The following CSMD1 variants were observed in gnomAD, a reference collection of about 807,000 sequenced individuals.
The protein encoded by CSMD1 is CUB and Sushi multiple domains 1.
In CSMD1, 213 loss-of-function variants were observed where a neutral mutation model predicts 417.5. That is an observed-to-expected ratio of 0.51 (90% CI 0.46 to 0.57). The LOEUF (loss-of-function observed/expected upper bound fraction) is 0.57, where lower values mean the gene tolerates loss of function less well. CSMD1 is among the 20% of genes least tolerant of loss of function. The pLI, the probability that CSMD1 is intolerant of heterozygous loss-of-function variation, is 0.00. For missense variants in CSMD1, 6,923 were observed against 4,529.7 expected (o/e 1.53, Z -15.17); for synonymous variants, 2,862 against 1,736.8 (o/e 1.65, Z -16.11).
rs750672843 is a variant in CSMD1, at chr8:3,369,366, T to C, written c.2787A>G (p.Leu929=). 27 of 1,498,160 alleles carry C rather than the reference T, an allele frequency of 1.8e-5. No individual in the cohort carries two copies. The highest frequency in any genetic ancestry group is 2.4e-5 in the Non-Finnish European group (26 of 1,076,890). 92.8% of individuals were successfully genotyped at this position (1,498,160 alleles called of 1,614,324 possible). Reference sequence around the variant, plus strand: ...TCTTCCCTTGGATGTAGCCTCCACATAGAGCTTAAAATAATAAAGAGAGAT... The same window carrying C: ...TCTTCCCTTGGATGTAGCCTCCACACAGAGCTTAAAATAATAAAGAGAGAT... ...WNHALPSCDA[L]CGGYIQGKSG... Residue 929 remains leucine (L), a synonymous_variant, in exon 19 of 70, where the codon CTA becomes CTG. Transcript: ENST00000635120.
intron 2 of CSMD1, among the ~76,000 whole-genome samples, chr8:4,542,295 G>T (rs1187908451): frequency 6.6e-6 from 1 of 151,886 alleles, no homozygotes; most frequent in Non-Finnish European, 1.5e-5. Context: ...CAAAACCCAT[G>T]AATATGTTAA....
In CSMD1 at chr8:3,551,979, G is replaced by A. The variant is rs1054444993; in HGVS notation, c.1344+22966C>T. ...ACTGTGGGAGCTGAGGACTGATAGG[G>A]ATCTCACAGTGGCAGAAACAGGAAC... On this transcript the variant is annotated intron_variant, in intron 10 of 69. Coordinates refer to ENST00000635120, the MANE Select transcript of CSMD1 (RefSeq NM_033225.6). Among the ~76,000 whole-genome samples the A allele has an allele frequency of 2.0e-5, 3 of 152,178 alleles. No individual in the cohort carries two copies. The East Asian group carries it at 5.8e-4, about 29-fold the overall frequency.
chr8:4,154,084 C>A (rs17069138), intron 3 of CSMD1, among the ~76,000 whole-genome samples: 1 of 152,136 alleles, frequency 6.6e-6, no homozygotes, highest in East Asian at 1.9e-4. Flanking sequence ...GGAAGAAACA[C>A]TGAAAATACA....
At chr8:3,743,455 T>A (rs1015637696) in intron 6 of CSMD1, among the ~76,000 whole-genome samples, 1 of 152,230 alleles carries the variant, frequency 6.6e-6, no homozygotes, top group African/African-American at 2.4e-5. Flanking sequence ...TGGAGACTTC[T>A]GAATAAGTAA....
At chr8:4,334,099 G>T (rs1386916472) in intron 3 of CSMD1, among the ~76,000 whole-genome samples, 1 of 151,948 alleles carries the variant, frequency 6.6e-6, no homozygotes, top group Non-Finnish European at 1.5e-5. Context: ...TACAGACAGG[G>T]TTTTACTGTG....
chr8:3,906,146 G>T (rs144494577), intron 5 of CSMD1, among the ~76,000 whole-genome samples: 1 of 152,108 alleles, frequency 6.6e-6, no homozygotes, highest in African/African-American at 2.4e-5. Context: ...CAGTGTACCA[G>T]GTAAGCATCA....
At chr8:4,319,675 G>A (rs1383149621) in intron 3 of CSMD1, among the ~76,000 whole-genome samples, 3 of 152,110 alleles carry the variant, frequency 2.0e-5, no homozygotes, top group Non-Finnish European at 4.4e-5. Flanking sequence ...AGGGAACAGA[G>A]AAGGGAAGCA....
At chr8:3,004,028 T>C (rs142563844) in intron 52 of CSMD1, among the ~76,000 whole-genome samples, 2 of 152,280 alleles carry the variant, frequency 1.3e-5, no homozygotes, top group East Asian at 1.9e-4. Flanking sequence ...AGATAGTTGC[T>C]ACAACTCCAC....
intron 40 of CSMD1, among the ~76,000 whole-genome samples, chr8:3,149,554 T>G (rs1696857868): frequency 6.6e-6 from 1 of 152,202 alleles, no homozygotes. Context: ...CGTGGCTCAC[T>G]GCAACCTCCA....
At chr8:4,717,872 T>C (rs1584991444) in intron 1 of CSMD1, among the ~76,000 whole-genome samples, 1 of 152,222 alleles carries the variant, frequency 6.6e-6, no homozygotes, top group South Asian at 2.1e-4. Context: ...AATAGCTTTT[T>C]ATTAAATTAT....
At chr8:3,605,619 A>T (rs995402212) in intron 8 of CSMD1, among the ~76,000 whole-genome samples, 1 of 152,128 alleles carries the variant, frequency 6.6e-6, no homozygotes. Context: ...CTTCCGTTTG[A>T]TGACACATAA....
intron 2 of CSMD1, among the ~76,000 whole-genome samples, chr8:4,615,357 A>G (rs1436786081): frequency 6.6e-6 from 1 of 152,180 alleles, no homozygotes; most frequent in African/African-American, 2.4e-5. Context: ...ATATACAGCA[A>G]TGGTGTTTCT....
intron 1 of CSMD1, among the ~76,000 whole-genome samples, chr8:4,662,054 G>A (rs1434067956): frequency 2.0e-5 from 3 of 152,062 alleles, no homozygotes; most frequent in Non-Finnish European, 2.9e-5. Context: ...ATGTAACTGT[G>A]TTGAGACATT....
At chr8:3,908,405 G>A (rs1018232319) in intron 5 of CSMD1, among the ~76,000 whole-genome samples, 12 of 152,140 alleles carry the variant, frequency 7.9e-5, no homozygotes, top group Admixed American at 6.5e-4. Flanking sequence ...ATTTGCATCA[G>A]CATTCTGTGG....
chr8:3,723,525 A>G (rs1802306191), intron 6 of CSMD1, among the ~76,000 whole-genome samples: 1 of 152,180 alleles, frequency 6.6e-6, no homozygotes, highest in Non-Finnish European at 1.5e-5. Flanking sequence ...ATTTAGTCAT[A>G]TTTACTTAAA....
intron 26 of CSMD1, among the ~76,000 whole-genome samples, chr8:3,256,309 G>GAAAAA (rs61572877): frequency 0.013 from 1,047 of 81,370 alleles, 17 homozygotes; most frequent in Non-Finnish European, 0.016. Flanking sequence ...TAAGTCTCAA[G>GAAAAA]AAAAAAAAAA....
chr8:4,252,281 G>C (rs895646598), intron 3 of CSMD1, among the ~76,000 whole-genome samples: 1 of 152,162 alleles, frequency 6.6e-6, no homozygotes, highest in East Asian at 1.9e-4. Flanking sequence ...CCTGTGAGTT[G>C]TCTTCTGTCA....
intron 11 of CSMD1, among the ~76,000 whole-genome samples, chr8:3,486,470 G>A (rs938533225): frequency 2.0e-5 from 3 of 152,156 alleles, no homozygotes; most frequent in South Asian, 2.1e-4. Context: ...TTTGACTGAT[G>A]AATTCTGGAA....
At chr8:3,822,001 C>T (rs969330637) in intron 5 of CSMD1, among the ~76,000 whole-genome samples, 2 of 152,160 alleles carry the variant, frequency 1.3e-5, no homozygotes, top group Admixed American at 1.3e-4. Flanking sequence ...GGTTGTAATA[C>T]AACTTCTGCA....
Sources: allele counts gnomAD v4.1 joint callset (sites outside exome capture counted in the v4.1 genomes callset), GRCh38; gene constraint gnomAD v4.1.1; transcripts MANE v1.5; gene names NCBI Gene and HGNC (gene_info 2026-07-23, HGNC 2026-07-21).